PARG: variants seen among roughly 807,000 people sequenced by gnomAD.
PARG encodes poly(ADP-ribose) glycohydrolase.
Under a neutral mutation model 113.0 loss-of-function variants are expected in PARG, and 35 were observed. That is an observed-to-expected ratio of 0.31 (90% confidence interval 0.24 to 0.41). The LOEUF (loss-of-function observed/expected upper bound fraction) is 0.41, where lower values mean the gene tolerates loss of function less well. Ranked by LOEUF, PARG falls within the 10% of genes least tolerant of loss-of-function variation. The probability of loss-of-function intolerance (pLI) is 1.00; values close to 1 mark genes in which losing one functional copy is unlikely to be tolerated. For missense variants in PARG, 797 were observed against 1,169.4 expected, an observed-to-expected ratio of 0.68 and a Z score of 4.64; for synonymous variants, 330 against 409.9, an observed-to-expected ratio of 0.81 and a Z score of 2.36.
chr10:49,898,888 CT>C (rs1209934586), intron 7 of PARG, among the ~76,000 whole-genome samples: 2 of 152,046 alleles, frequency 1.3e-5, no homozygotes, highest in East Asian at 1.9e-4. Flanking sequence ...TTTATTTGAA[CT>C]TTTTTTCACA....
rs1232311670 is a variant in PARG, at chr10:49,941,269, G to C, written c.217+240C>G. 2.0e-4 allele frequency among the ~76,000 whole-genome samples: 30 copies of C among 152,236 alleles called. No homozygotes were observed. In the South Asian group the frequency reaches 5.8e-3, roughly 29 times the overall value. On this transcript the variant is annotated intron_variant, in intron 1 of 17. Coordinates refer to ENST00000616448, the MANE Select transcript of PARG (RefSeq NM_003631.5). ...AACCTGAAGAAGCAAACAGGTGGTGGAGTCTCCTGCCATTTTCCGCCCTGT... is the reference window on the plus strand; with the variant it reads ...AACCTGAAGAAGCAAACAGGTGGTGCAGTCTCCTGCCATTTTCCGCCCTGT...
At chr10:49,896,134 G>C (rs1554842693) in intron 7 of PARG, among the ~76,000 whole-genome samples, 2 of 152,192 alleles carry the variant, frequency 1.3e-5, no homozygotes, top group African/African-American at 4.8e-5. Flanking sequence ...ATGTTAATAA[G>C]AATGAAGAGC....
At chr10:49,941,397 G>A (rs1393789263) in intron 1 of PARG, 112 bp downstream of exon 1, 23 of 896,008 alleles carry the variant, frequency 2.6e-5, no homozygotes, top group Non-Finnish European at 4.2e-5. Context: ...GACCTCAAGA[G>A]TGACGATGCA....
At chr10:49,895,706 G>A (rs140733967) in intron 7 of PARG, among the ~76,000 whole-genome samples, 686 of 151,956 alleles carry the variant, frequency 4.5e-3, no homozygotes, top group East Asian at 0.017. Context: ...GCGCCCGGCC[G>A]AGAACTGATA....
chr10:49,928,534 A>T (rs1451641703), intron 4 of PARG, among the ~76,000 whole-genome samples: 2 of 152,146 alleles, frequency 1.3e-5, no homozygotes, highest in African/African-American at 4.8e-5. Context: ...TACATTTCTA[A>T]AGCTAAATGT....
chr10:49,867,427 T>TATA (rs1846572918), intron 10 of PARG: 1 of 151,134 alleles, frequency 6.6e-6, no homozygotes, highest in Admixed American at 6.6e-5. Flanking sequence ...CTTAGAGGTA[T>TATA]ATAATATAAG....
intron 15 of PARG, among the ~76,000 whole-genome samples, chr10:49,840,165 A>G (rs1554831979): frequency 6.6e-6 from 1 of 152,004 alleles, no homozygotes; most frequent in African/African-American, 2.4e-5. Flanking sequence ...GACGGGGAGG[A>G]GATCACTTGA....
intron 16 of PARG, among the ~76,000 whole-genome samples, chr10:49,822,824 AG>A (rs1554828874): frequency 6.6e-6 from 1 of 152,210 alleles, no homozygotes; most frequent in Non-Finnish European, 1.5e-5. Context: ...GCATTCTGAC[AG>A]AGAATGCATA....
At chr10:49,828,022 TG>T (rs1844443666) in intron 16 of PARG, among the ~76,000 whole-genome samples, 1 of 138,752 alleles carries the variant, frequency 7.2e-6, no homozygotes, top group African/African-American at 2.7e-5. Context: ...GCCTAGGGTC[TG>T]GTGGTACATT....
chr10:49,892,496 T>C (rs1190076119), intron 7 of PARG, among the ~76,000 whole-genome samples: 1 of 152,132 alleles, frequency 6.6e-6, no homozygotes, highest in Non-Finnish European at 1.5e-5. Context: ...TATTATACAA[T>C]GACAAATGCT....
chr10:49,934,778 G>C (rs1384721536), intron 2 of PARG, among the ~76,000 whole-genome samples: 14 of 151,830 alleles, frequency 9.2e-5, no homozygotes, highest in Non-Finnish European at 1.8e-4. Context: ...GAACCCAGGA[G>C]GCAGAGCTTG....
At chr10:49,922,476 G>A in intron 5 of PARG, 57 bp from the exon 6 acceptor site, 1 of 1,609,598 alleles carries the variant, frequency 6.2e-7, no homozygotes, top group Non-Finnish European at 8.5e-7. Context: ...TTGCATCACA[G>A]AATCAAAGGT....
chr10:49,916,119 C>T, intron 6 of PARG, 128 bp from the exon 7 acceptor site: 2 of 683,144 alleles, frequency 2.9e-6, no homozygotes, highest in Admixed American at 2.1e-5. Context: ...CTACCTCCCC[C>T]TGCTACTGAT....
chr10:49,845,444 G>C (rs959339722), intron 13 of PARG, among the ~76,000 whole-genome samples: 6 of 152,212 alleles, frequency 3.9e-5, no homozygotes, highest in Non-Finnish European at 7.3e-5. Flanking sequence ...TTGTGGAGCT[G>C]ACTAGTCAGG....
intron 6 of PARG, among the ~76,000 whole-genome samples, chr10:49,920,603 C>T (rs1360158502): frequency 2.9e-5 from 4 of 136,760 alleles, no homozygotes; most frequent in East Asian, 2.2e-4. Flanking sequence ...TACATATATA[C>T]GTACATATAT....
chr10:49,836,171 TGGA>T, intron 15 of PARG, among the ~76,000 whole-genome samples: 1 of 152,156 alleles, frequency 6.6e-6, no homozygotes, highest in African/African-American at 2.4e-5. Context: ...TTCTATTTGC[TGGA>T]ATAATTTAAT....
rs1231827717 is a variant in PARG, at chr10:49,932,153, C to T, written c.1402G>A (p.Gly468Arg). ...IEEMRRMPRC[G>R]IRLPLLRPSA... ...GGTCTCAAGAGAGGCAGCCGGATCC[C>T]ACACCGAGGCATTCTTCTCATCTCC... The change falls in exon 4 of 18, where the codon GGG becomes AGG. Residue 468 changes from glycine to arginine, a missense_variant. Gly to Arg is a moderately radical substitution (Grantham distance 125). Around this residue, in one of 5 missense-constraint regions of PARG, gnomAD observed 252 missense variants for 437.4 expected, o/e 0.58. Coordinates refer to ENST00000616448, the MANE Select transcript of PARG (RefSeq NM_003631.5). 6 of 1,607,030 alleles carry T rather than the reference C, an allele frequency of 3.7e-6. No homozygotes were observed. The highest frequency in any genetic ancestry group is 5.1e-6 in the Non-Finnish European group (6 of 1,173,660).
At position 49,933,269 on chromosome 10, in the gene PARG, C is replaced by A. The variant is rs1838577434; in HGVS notation, c.1179G>T (p.Leu393=). ...NAKLPGNISS[L]NVECRNSKQH... The stretch of plus-strand genomic sequence containing the variant: ...GCTTAGAATTTCTGCATTCTACATT[C>A]AGGCTAGAAATATTTCCAGGTAGTT... The change falls in exon 3 of 18, where the codon CTG becomes CTT. Residue 393 remains leucine, a synonymous_variant. Transcript: ENST00000616448. 1 of 1,601,350 alleles carries A rather than the reference C, an allele frequency of 6.2e-7. No homozygotes were observed. Among genetic ancestry groups the A allele is most frequent in the East Asian group, 2.2e-5 (1 of 44,790 alleles).
chr10:49,842,546 A>G (rs1845295847), intron 14 of PARG, among the ~76,000 whole-genome samples: 1 of 152,266 alleles, frequency 6.6e-6, no homozygotes. Context: ...AATTCAGTGC[A>G]GCATTCTACC....
Sources: allele counts gnomAD v4.1 joint callset (sites outside exome capture counted in the v4.1 genomes callset), GRCh38; gene constraint gnomAD v4.1.1; regional missense constraint gnomAD v4.1.1; transcripts MANE v1.5; gene names NCBI Gene and HGNC (gene_info 2026-07-23, HGNC 2026-07-21).